The following TENM2 variants were observed in gnomAD, a reference collection of about 807,000 sequenced individuals.
TENM2 encodes the protein teneurin transmembrane protein 2.
A neutral mutation model predicts 245.2 loss-of-function variants in TENM2; 52 were observed. The ratio of observed to expected loss-of-function variants is 0.21; its 90% confidence interval spans 0.17 to 0.27. The LOEUF (loss-of-function observed/expected upper bound fraction) is 0.27, where lower values mean the gene tolerates loss of function less well. Among genes scored for constraint, TENM2 ranks in the 10% least tolerant of loss-of-function variants. The pLI, the probability that TENM2 is intolerant of heterozygous loss-of-function variation, is 1.00. For missense variants in TENM2, 3,046 were observed against 3,666.8 expected, an observed-to-expected ratio of 0.83 and a Z score of 4.37; for synonymous variants, 1,363 against 1,438.9, an observed-to-expected ratio of 0.95 and a Z score of 1.19.
At chr5:167,638,478 A>C (rs73803916) in intron 2 of TENM2, among the ~76,000 whole-genome samples, 7,288 of 152,244 alleles carry the variant, frequency 0.048, 614 homozygotes, top group African/African-American at 0.17. Context: ...TACTGGGCTG[A>C]GCTTCAGCTG....
At chr5:167,492,465 G>A (rs1183306270) in intron 2 of TENM2, among the ~76,000 whole-genome samples, 4 of 152,074 alleles carry the variant, frequency 2.6e-5, no homozygotes, top group Non-Finnish European at 5.9e-5. Flanking sequence ...AAGAATCAAT[G>A]GATGTTAGCA....
chr5:168,180,989 A>G (rs770831723), intron 13 of TENM2, among the ~76,000 whole-genome samples: 1 of 152,110 alleles, frequency 6.6e-6, no homozygotes, highest in Non-Finnish European at 1.5e-5. Flanking sequence ...TTAACACCAT[A>G]CCGGAGCAGG....
chr5:168,027,693 C>T (rs1415233195), intron 5 of TENM2, among the ~76,000 whole-genome samples: 2 of 152,160 alleles, frequency 1.3e-5, no homozygotes, highest in African/African-American at 2.4e-5. Flanking sequence ...CCTCTACTTT[C>T]GGAAATATAA....
At chr5:168,230,876 G>A (rs193009707) in intron 25 of TENM2, 4 of 152,374 alleles carry the variant, frequency 2.6e-5, no homozygotes, top group African/African-American at 4.8e-5. Context: ...CAAAGAAAGG[G>A]ATACTTAACT....
the TENM2 span, among the ~76,000 whole-genome samples, chr5:167,037,428 A>C: frequency 6.6e-6 from 1 of 152,170 alleles, no homozygotes; most frequent in Non-Finnish European, 1.5e-5. Flanking sequence ...ACTAAGTTCT[A>C]TGATTTGGAG....
intron 2 of TENM2, among the ~76,000 whole-genome samples, chr5:167,516,635 C>A (rs1443160514): frequency 6.6e-6 from 1 of 152,122 alleles, no homozygotes; most frequent in Admixed American, 6.5e-5. Flanking sequence ...AATGCAAAAG[C>A]ACCTCAATAT....
intron 2 of TENM2, among the ~76,000 whole-genome samples, chr5:167,846,955 A>ATTGAT (rs1174335807): frequency 6.6e-6 from 1 of 151,802 alleles, no homozygotes; most frequent in Non-Finnish European, 1.5e-5. Flanking sequence ...ATTTCAATTG[A>ATTGAT]TTGATTGATT....
the TENM2 span, among the ~76,000 whole-genome samples, chr5:167,262,219 G>C: frequency 5.6e-4 from 86 of 152,240 alleles, 1 homozygote; most frequent in African/African-American, 2.0e-3. Context: ...TTAGCCTGGG[G>C]TGGTGGCACA....
At chr5:168,184,858 A>T (rs1760245473) in intron 13 of TENM2, among the ~76,000 whole-genome samples, 1 of 152,214 alleles carries the variant, frequency 6.6e-6, no homozygotes, top group African/African-American at 2.4e-5. Flanking sequence ...AGCAGAGTAC[A>T]CTAGACAGGG....
intron 23 of TENM2, among the ~76,000 whole-genome samples, chr5:168,222,635 C>G (rs778070072): frequency 6.6e-6 from 1 of 152,172 alleles, no homozygotes; most frequent in Non-Finnish European, 1.5e-5. Context: ...CCCTATCATG[C>G]CTGCTAAGTT....
the TENM2 span, among the ~76,000 whole-genome samples, chr5:166,999,391 CA>C: frequency 6.6e-6 from 1 of 152,084 alleles, no homozygotes; most frequent in Non-Finnish European, 1.5e-5. Flanking sequence ...GGACAAATAC[CA>C]GAACCACATC....
At chr5:167,032,253 G>A in the TENM2 span, among the ~76,000 whole-genome samples, 1 of 152,154 alleles carries the variant, frequency 6.6e-6, no homozygotes, top group Non-Finnish European at 1.5e-5. Context: ...CAGCAAATAA[G>A]CCACAACAGA....
chr5:167,732,747 T>A (rs1294093013), intron 2 of TENM2, among the ~76,000 whole-genome samples: 4 of 152,164 alleles, frequency 2.6e-5, no homozygotes, highest in Non-Finnish European at 5.9e-5. Context: ...TGTTATTCCA[T>A]CATTGAATGG....
chr5:168,158,858 C>G (rs1463234812), intron 12 of TENM2, among the ~76,000 whole-genome samples: 1 of 100,384 alleles, frequency 1.0e-5, no homozygotes, highest in Admixed American at 1.1e-4. Context: ...TATACACACA[C>G]ACACACACAC....
At chr5:167,815,445 C>T (rs571717292) in intron 2 of TENM2, among the ~76,000 whole-genome samples, 140 of 152,200 alleles carry the variant, frequency 9.2e-4, no homozygotes, top group African/African-American at 3.3e-3. Context: ...ATCATTGTAT[C>T]GTTGTATTTA....
At chr5:167,357,983 G>T (rs532149640) in intron 1 of TENM2, among the ~76,000 whole-genome samples, 1 of 152,108 alleles carries the variant, frequency 6.6e-6, no homozygotes, top group African/African-American at 2.4e-5. Context: ...CAGGTAAAGC[G>T]TTCACCTGTG....
intron 2 of TENM2, among the ~76,000 whole-genome samples, chr5:167,680,099 T>G (rs1206395904): frequency 6.6e-6 from 1 of 152,142 alleles, no homozygotes; most frequent in Non-Finnish European, 1.5e-5. Context: ...ACTTTCCTTC[T>G]CAGTGCTCCC....
intron 19 of TENM2, among the ~76,000 whole-genome samples, chr5:168,206,227 CCCCAGCAACT>C: frequency 1.3e-5 from 2 of 152,302 alleles, no homozygotes; most frequent in African/African-American, 4.8e-5. Context: ...AGTGGCCTGC[CCCCAGCAACT>C]GCTGCTGAGC....
intron 2 of TENM2, among the ~76,000 whole-genome samples, chr5:167,676,994 A>C (rs925736576): frequency 6.6e-6 from 1 of 152,086 alleles, no homozygotes; most frequent in Non-Finnish European, 1.5e-5. Flanking sequence ...AAATGTATGC[A>C]TGTTGGACAA....
Sources: gnomAD v4.1 joint callset for allele counts (sites outside exome capture counted in the v4.1 genomes callset) on GRCh38, gnomAD v4.1.1 for gene constraint, MANE v1.5 for transcripts, NCBI Gene and HGNC (gene_info 2026-07-23, HGNC 2026-07-21) for gene names.